KRTAP9-9: variants seen among roughly 807,000 people sequenced by gnomAD.
KRTAP9-9 encodes the protein keratin associated protein 9-9.
In KRTAP9-9, 12 loss-of-function variants were observed where a neutral mutation model predicts 13.7. The ratio of observed to expected loss-of-function variants is 0.88; its 90% CI spans 0.56 to 1.42. The LOEUF is 1.42. Among genes scored for constraint, KRTAP9-9 ranks in the 40% most tolerant of loss-of-function variants. The probability of loss-of-function intolerance (pLI) is 0.00; values close to 1 mark genes in which losing one functional copy is unlikely to be tolerated. For missense variants in KRTAP9-9, 194 were observed against 206.5 expected (o/e 0.94, Z 0.37); for synonymous variants, 81 against 78.1 (o/e 1.04, Z -0.19).
chr17:41,256,219 T>C (rs958483918), exon 1 of KRTAP9-9: 14 of 492,378 alleles, frequency 2.8e-5, no homozygotes, highest in Non-Finnish European at 4.4e-5. Flanking sequence ...TGATTAAGAA[T>C]CTTCACAACT....
Position 41,255,954 on chromosome 17 carries a change from T to C in KRTAP9-9, c.*59T>C, listed in dbSNP as rs1054157216. 8 of 1,591,840 alleles carry C rather than the reference T, an allele frequency of 5.0e-6. No homozygotes were observed. The Admixed American group carries it at 5.1e-5, about 10-fold the overall frequency. On this transcript the variant is annotated 3_prime_UTR_variant, in exon 1 of 1. Transcript: ENST00000394008. Reference sequence around the variant, plus strand: ...CAACCTTCTGCTCAACTGACTTATCTTTTGGAGGACTAATTTACCTTACTG... The same window carrying C: ...CAACCTTCTGCTCAACTGACTTATCCTTTGGAGGACTAATTTACCTTACTG...
chr17:41,255,541 T>C lies in KRTAP9-9; in HGVS notation c.156T>C (p.Cys52=), dbSNP rs568397466. Residue 52 remains cysteine, a synonymous_variant, in exon 1 of 1, where the codon TGT becomes TGC. Transcript: ENST00000394008. ...AGCCTTGCTGCCGCCCAGCTTGCTGTCAAAACACCTGCTGCAGGACCACCT... is the reference window on the plus strand; with the variant it reads ...AGCCTTGCTGCCGCCCAGCTTGCTGCCAAAACACCTGCTGCAGGACCACCT... The C allele has an allele frequency of 6.8e-5, 109 of 1,613,046 alleles. No individual in the cohort carries two copies. The African/African-American group carries it at 1.3e-3, about 20-fold the overall frequency.
chr17:41,256,142 G>T, exon 1 of KRTAP9-9: 1 of 698,312 alleles, frequency 1.4e-6, no homozygotes, highest in Non-Finnish European at 2.4e-6. Context: ...TTGAGTCATG[G>T]TCTCAGCTTT....
chr17:41,256,248 A>T lies in KRTAP9-9; in HGVS notation c.*353A>T, dbSNP rs531474539. The T allele has an allele frequency of 3.6e-4, 139 of 381,716 alleles. 1 individual carries two copies. Among genetic ancestry groups the T allele is most frequent in the Non-Finnish European group, 5.9e-4 (121 of 204,944 alleles). 23.6% of individuals were successfully genotyped at this position (381,716 alleles called of 1,614,324 possible). A position where few individuals can be genotyped will look rare whatever the true frequency, so the allele number is the denominator to read the frequency against. ...CACAACTATGTTTTCTTTTCAATAT[A>T]CTCATGATTCTTGTATCCTGCTTCC... is the stretch of plus-strand genomic sequence containing the variant. On this transcript the variant is annotated 3_prime_UTR_variant, in exon 1 of 1. Transcript: ENST00000394008.
At chr17:41,256,001 C>T (rs561901721) in exon 1 of KRTAP9-9, 1 of 1,536,102 alleles carries the variant, frequency 6.5e-7, no homozygotes, top group South Asian at 1.3e-5. Flanking sequence ...CATGTTCTCA[C>T]CCAAATTTTT....
rs534795115 is a variant in KRTAP9-9 at position 41,255,739 on chromosome 17, G to A, written c.354G>A (p.Pro118=). The A allele has an allele frequency of 7.4e-5, 120 of 1,612,956 alleles. 1 individual carries two copies. In the East Asian group the frequency reaches 2.2e-3, roughly 29 times the overall value. The change falls in exon 1 of 1, where the codon CCG becomes CCA. Residue 118 remains proline, a synonymous_variant. Coordinates refer to ENST00000394008, the Ensembl canonical transcript of KRTAP9-9. ...ACTGCAGAAGAACCTGCTACTACCCGACGACTGTCTGCCTGCCTGGTTGCC... is the reference window on the plus strand; with the variant it reads ...ACTGCAGAAGAACCTGCTACTACCCAACGACTGTCTGCCTGCCTGGTTGCC...
At chr17:41,255,805 C>A in the KRTAP9-9 span, 5 of 1,613,160 alleles carry the variant, frequency 3.1e-6, no homozygotes, top group South Asian at 5.5e-5. Context: ...AGCCCTGCTG[C>A]CGCCCCGCCT....
chr17:41,255,739 G>C lies in KRTAP9-9; in HGVS notation c.354G>C (p.Pro118=), dbSNP rs534795115. 1,774 of 1,612,540 alleles carry C rather than the reference G, an allele frequency of 1.1e-3. 17 individuals are homozygous for C. In the African/African-American group the frequency reaches 0.02, roughly 18 times the overall value. Residue 118 remains proline, a synonymous_variant, in exon 1 of 1, where the codon CCG becomes CCC. Transcript: ENST00000394008. Reference sequence around the variant, plus strand: ...ACTGCAGAAGAACCTGCTACTACCCGACGACTGTCTGCCTGCCTGGTTGCC... The same window carrying C: ...ACTGCAGAAGAACCTGCTACTACCCCACGACTGTCTGCCTGCCTGGTTGCC...
exon 1 of KRTAP9-9, chr17:41,255,584 C>T (rs201738227): frequency 6.2e-7 from 1 of 1,610,908 alleles, no homozygotes; most frequent in African/African-American, 1.4e-5. Flanking sequence ...GCCCACCTGT[C>T]TGACCAGCTG....
chr17:41,256,059 G>A, exon 1 of KRTAP9-9: 10 of 1,330,578 alleles, frequency 7.5e-6, no homozygotes, highest in Non-Finnish European at 1.0e-5. Context: ...TTGAGGGAGG[G>A]CAGAATACTT....
exon 1 of KRTAP9-9, chr17:41,255,632 C>T (rs746849674): frequency 1.2e-6 from 2 of 1,612,050 alleles, no homozygotes; most frequent in African/African-American, 1.3e-5. Flanking sequence ...CTGCTGCCAG[C>T]CCATCTGCTG....
chr17:41,255,568 CTGCCAGCCCACCTGT>C, exon 1 of KRTAP9-9: 1 of 1,613,786 alleles, frequency 6.2e-7, no homozygotes, highest in Non-Finnish European at 8.5e-7. Flanking sequence ...GGACCACCTG[CTGCCAGCCCACCTGT>C]CTGACCAGCT....
exon 1 of KRTAP9-9, chr17:41,255,484 C>T (rs764438329): frequency 6.3e-7 from 1 of 1,595,478 alleles, no homozygotes; most frequent in Admixed American, 1.7e-5. Context: ...CACCCTGCTG[C>T]CAGCCCTCCT....
chr17:41,255,947 A>C, exon 1 of KRTAP9-9: 1 of 1,597,348 alleles, frequency 6.3e-7, no homozygotes, highest in Non-Finnish European at 8.5e-7. Flanking sequence ...TGCTCAACTG[A>C]CTTATCTTTT....
chr17:41,255,468 G>A lies in KRTAP9-9; in HGVS notation c.83G>A (p.Ser28Asn), dbSNP rs1176825985. The change falls in exon 1 of 1, where the codon AGC becomes AAC. Residue 28 changes from serine to asparagine, a missense_variant. Ser to Asn is a conservative substitution (Grantham distance 46). Transcript: ENST00000394008. Reference sequence around the variant, plus strand: ...AAGCCCACCACTGTGACCACCTGCAGCAGCACACCCTGCTGCCAGCCCTCC... The same window carrying A: ...AAGCCCACCACTGTGACCACCTGCAACAGCACACCCTGCTGCCAGCCCTCC... 2 of 1,587,812 alleles carry A rather than the reference G, an allele frequency of 1.3e-6. No individual in the cohort carries two copies. Among genetic ancestry groups the A allele is most frequent in the African/African-American group, 1.4e-5 (1 of 73,286 alleles).
chr17:41,255,816 G>T (rs750141980), exon 1 of KRTAP9-9: 3 of 1,613,304 alleles, frequency 1.9e-6, no homozygotes, highest in South Asian at 1.1e-5. Flanking sequence ...CGCCCCGCCT[G>T]CTGTGAGACC....
At chr17:41,256,259 T>G in exon 1 of KRTAP9-9, 1 of 343,030 alleles carries the variant, frequency 2.9e-6, no homozygotes, top group South Asian at 5.3e-5. Flanking sequence ...CTCATGATTC[T>G]TGTATCCTGC....
exon 1 of KRTAP9-9, chr17:41,256,278 T>C: frequency 3.4e-6 from 1 of 297,824 alleles, no homozygotes; most frequent in Non-Finnish European, 6.5e-6. Context: ...GCTTCCTTCT[T>C]TTAATGATCA....
exon 1 of KRTAP9-9, chr17:41,255,923 A>G (rs372242013): frequency 2.6e-4 from 416 of 1,611,230 alleles, no homozygotes; most frequent in Non-Finnish European, 3.1e-4. Flanking sequence ...AACCATCTTC[A>G]CACAACAACC....
Sources: gnomAD v4.1 joint callset for allele counts on GRCh38, gnomAD v4.1.1 for gene constraint, MANE v1.5 for transcripts, NCBI Gene and HGNC (gene_info 2026-07-23, HGNC 2026-07-21) for gene names.